EYS: variants seen among roughly 807,000 people sequenced by gnomAD.
EYS encodes protein eyes shut homolog.
Under a neutral mutation model 282.1 loss-of-function variants are expected in EYS, and 250 were observed. That is an observed-to-expected ratio of 0.89 (90% CI 0.80 to 0.98). The LOEUF is 0.98. Among genes scored for constraint, EYS ranks in the 50% least tolerant of loss-of-function variants. The pLI, the probability that EYS is intolerant of heterozygous loss-of-function variation, is 0.00. For missense variants in EYS, 4,016 were observed against 3,709.0 expected, an observed-to-expected ratio of 1.08 and a Z score of -2.15; for synonymous variants, 1,355 against 1,282.9, an observed-to-expected ratio of 1.06 and a Z score of -1.20.
At chr6:64,607,264 C>A (rs561576107) in intron 24 of EYS, among the ~76,000 whole-genome samples, 1 of 149,904 alleles carries the variant, frequency 6.7e-6, no homozygotes, top group Non-Finnish European at 1.5e-5. Context: ...CATGTAAGAA[C>A]CATGTGAAGA....
At chr6:63,937,765 T>C (rs1039082439) in intron 35 of EYS, among the ~76,000 whole-genome samples, 3 of 152,092 alleles carry the variant, frequency 2.0e-5, no homozygotes, top group African/African-American at 7.2e-5. Flanking sequence ...AAAATGGAGA[T>C]CAATACATTT....
At chr6:65,587,261 G>A (rs933009970) in intron 2 of EYS, among the ~76,000 whole-genome samples, 2 of 151,998 alleles carry the variant, frequency 1.3e-5, no homozygotes, top group Non-Finnish European at 2.9e-5. Flanking sequence ...AACTAACAAA[G>A]CTTTTAATGT....
chr6:64,228,192 C>T (rs1200382865), intron 31 of EYS, among the ~76,000 whole-genome samples: 1 of 152,030 alleles, frequency 6.6e-6, no homozygotes, highest in East Asian at 1.9e-4. Context: ...ACAATCCTGC[C>T]CTTGGCTTTC....
intron 26 of EYS, among the ~76,000 whole-genome samples, chr6:64,571,680 G>C (rs904488341): frequency 2.0e-5 from 3 of 152,104 alleles, no homozygotes; most frequent in Non-Finnish European, 4.4e-5. Flanking sequence ...AAATCTAGAA[G>C]AAAGGGATAA....
At chr6:65,535,690 T>C (rs570592062) in intron 2 of EYS, among the ~76,000 whole-genome samples, 6 of 152,342 alleles carry the variant, frequency 3.9e-5, no homozygotes, top group African/African-American at 1.4e-4. Context: ...CAGAGGATTC[T>C]GTTCCTTACT....
At chr6:64,244,692 G>A (rs983379609) in intron 30 of EYS, among the ~76,000 whole-genome samples, 5 of 151,974 alleles carry the variant, frequency 3.3e-5, no homozygotes, top group African/African-American at 1.2e-4. Context: ...TCAATTCATA[G>A]CATGTTTTAA....
At chr6:64,711,462 C>T (rs1025697610) in intron 22 of EYS, among the ~76,000 whole-genome samples, 13 of 152,112 alleles carry the variant, frequency 8.5e-5, no homozygotes, top group Non-Finnish European at 1.6e-4. Flanking sequence ...TTATGTATTA[C>T]ATGCATATCA....
At chr6:64,082,058 A>G (rs1771992609) in intron 31 of EYS, 56 bp from the exon 32 acceptor site, 1 of 1,199,042 alleles carries the variant, frequency 8.3e-7, no homozygotes. Context: ...CTACTCAAGT[A>G]GATAAAAACT....
Position 64,275,245 on chromosome 6 carries a change from G to A in EYS, c.6191+31725C>T, listed in dbSNP as rs138336639. Among the ~76,000 whole-genome samples, 1,320 of 152,240 alleles carry A rather than the reference G, an allele frequency of 8.7e-3. 27 individuals are homozygous for A. Among genetic ancestry groups the A allele is most frequent in the African/African-American group, 0.029 (1,206 of 41,536 alleles). On this transcript the variant is annotated intron_variant, in intron 30 of 42. Transcript: ENST00000503581. ...ATAAGTTTGCGATTGGTGCTAACCC[G>A]TCTTTCAAGTTCTGATAGGGTTGTC...
In EYS at chr6:63,969,983, G is replaced by A. The variant is rs866878052; in HGVS notation, c.7055+14400C>T. Among the ~76,000 whole-genome samples the A allele has an allele frequency of 1.1e-3, 173 of 152,312 alleles. 3 individuals carry two copies. Among genetic ancestry groups the A allele is most frequent in the African/African-American group, 3.6e-3 (150 of 41,582 alleles). ...CTGTCCTGAGTTGAGCACAAGTGGT[G>A]TATGTACCCAACCCTGACTCTCCCT... is the stretch of plus-strand genomic sequence containing the variant. On this transcript the variant is annotated intron_variant, in intron 35 of 42. Transcript: ENST00000503581.
chr6:64,547,630 T>C (rs113813994), intron 26 of EYS, among the ~76,000 whole-genome samples: 8,020 of 152,284 alleles, frequency 0.053, 496 homozygotes, highest in African/African-American at 0.14. Flanking sequence ...TTCTCCAAGT[T>C]GCCACCAAAC....
rs973825478 is a variant in EYS, at chr6:64,277,771, A to G, written c.6191+29199T>C. ...GAATAATCAAGGAGGATGGAGAAAC[A>G]AAGTGTTTGGATAGGCTCAAAAATT... On this transcript the variant is annotated intron_variant, in intron 30 of 42. Transcript: ENST00000503581. Among the ~76,000 whole-genome samples, 3 of 152,124 alleles carry G rather than the reference A, an allele frequency of 2.0e-5. No homozygotes were observed. The South Asian group carries it at 6.2e-4, about 31-fold the overall frequency.
intron 22 of EYS, among the ~76,000 whole-genome samples, chr6:64,715,767 T>G (rs1771370974): frequency 6.6e-6 from 1 of 152,216 alleles, no homozygotes; most frequent in Non-Finnish European, 1.5e-5. Context: ...CATTTGGCTT[T>G]GAATGCCTCC....
chr6:64,118,119 C>A (rs74859552), intron 31 of EYS, among the ~76,000 whole-genome samples: 10,410 of 151,984 alleles, frequency 0.068, 1,084 homozygotes, highest in African/African-American at 0.23. Context: ...TGCATTTCCC[C>A]AGGTGACCTA....
chr6:64,965,610 C>T (rs1041406106), intron 14 of EYS, among the ~76,000 whole-genome samples: 3 of 151,856 alleles, frequency 2.0e-5, no homozygotes, highest in African/African-American at 7.3e-5. Context: ...ATGAGTACCC[C>T]CATGAGTTTT....
chr6:64,779,363 A>C (rs1363119238), intron 22 of EYS, among the ~76,000 whole-genome samples: 2 of 152,140 alleles, frequency 1.3e-5, no homozygotes, highest in Non-Finnish European at 2.9e-5. Context: ...ACTTAGACCC[A>C]TATGGCTAAG....
intron 30 of EYS, among the ~76,000 whole-genome samples, chr6:64,270,376 C>T (rs998573687): frequency 1.8e-4 from 27 of 150,962 alleles, no homozygotes; most frequent in African/African-American, 6.1e-4. Context: ...TGAAGATTGC[C>T]GGGGGTGGGG....
At chr6:64,907,052 T>C (rs1767850506) in intron 16 of EYS, among the ~76,000 whole-genome samples, 1 of 152,118 alleles carries the variant, frequency 6.6e-6, no homozygotes, top group Non-Finnish European at 1.5e-5. Flanking sequence ...GTATTTATTA[T>C]TATTATTTTT....
At chr6:63,874,675 G>A (rs1356898613) in intron 35 of EYS, among the ~76,000 whole-genome samples, 1 of 152,132 alleles carries the variant, frequency 6.6e-6, no homozygotes, top group Non-Finnish European at 1.5e-5. Context: ...TCTCCTTGAA[G>A]AGGTCCTTCA....
Sources: allele counts gnomAD v4.1 joint callset (sites outside exome capture counted in the v4.1 genomes callset), GRCh38; gene constraint gnomAD v4.1.1; transcripts MANE v1.5; gene names NCBI Gene and HGNC (gene_info 2026-07-23, HGNC 2026-07-21).